DMD: variants seen among roughly 807,000 people sequenced by gnomAD.
DMD encodes the protein mutant dystrophin.
In DMD, 63 loss-of-function variants were observed where a neutral mutation model predicts 330.1. The observed-to-expected ratio is 0.19, with a 90% CI of 0.16 to 0.24. The LOEUF is 0.24. Among genes scored for constraint, DMD ranks in the 10% least tolerant of loss-of-function variants. DMD has a pLI of 1.00. For synonymous variants in DMD, 1,223 were observed against 959.8 expected (o/e 1.27, Z -5.07); for missense variants, 3,344 against 2,684.1 (o/e 1.25, Z -5.43).
intron 47 of DMD, among the ~76,000 whole-genome samples, chrX:31,914,110 G>T (rs2094579432): frequency 8.9e-6 from 1 of 112,125 alleles, no homozygotes; most frequent in Admixed American, 9.5e-5. Flanking sequence ...ATTTAGCTTA[G>T]CTTACATTTG....
intron 2 of DMD, among the ~76,000 whole-genome samples, chrX:32,948,916 A>G (rs930210926): frequency 1.8e-5 from 2 of 111,695 alleles, no homozygotes. Context: ...AATTTTAGAG[A>G]CGATAAAATT....
At chrX:33,285,309 T>TTGTGTGTG (rs35975571) in intron 1 of DMD, among the ~76,000 whole-genome samples, 1 of 106,778 alleles carries the variant, frequency 9.4e-6, no homozygotes, top group Non-Finnish European at 1.9e-5. Flanking sequence ...ACGAATTCAT[T>TTGTGTGTG]TGTGTGTGTG....
chrX:31,381,955 G>C (rs1464050320), intron 60 of DMD, among the ~76,000 whole-genome samples: 1 of 111,536 alleles, frequency 9.0e-6, no homozygotes, highest in Non-Finnish European at 1.9e-5. Flanking sequence ...AACATGCCCC[G>C]AGTCAAGAAA....
chrX:31,658,084 G>C lies in DMD; in HGVS notation c.7933C>G (p.Leu2645Val). 1 of 1,211,774 alleles carries C rather than the reference G, an allele frequency of 8.3e-7. No homozygotes were observed. The highest frequency in any genetic ancestry group is 1.1e-6 in the Non-Finnish European group (1 of 895,337). Reference sequence around the variant, plus strand: ...GCAGAATAATCCCGGAGAAGTTTCAGGGCCAAGTCATTTGCCACATCTACA... The same window carrying C: ...GCAGAATAATCCCGGAGAAGTTTCACGGCCAAGTCATTTGCCACATCTACA... ...TNVDVANDLA[L>V]KLLRDYSADD... Residue 2645 changes from leucine to valine, a missense_variant, in exon 54 of 79, where the codon CTG becomes GTG. Transcript: ENST00000357033.
intron 44 of DMD, among the ~76,000 whole-genome samples, chrX:32,205,023 A>ACACACACC (rs2097060143): frequency 1.2e-5 from 1 of 81,649 alleles, no homozygotes; most frequent in African/African-American, 4.4e-5. Context: ...ACACACACAC[A>ACACACACC]CACACACACA....
chrX:31,934,805 T>C (rs971386035), intron 45 of DMD, among the ~76,000 whole-genome samples: 7 of 112,168 alleles, frequency 6.2e-5, no homozygotes, highest in African/African-American at 2.3e-4. Context: ...TAGCAATCAG[T>C]TGGCAGAGAA....
At chrX:33,262,954 A>C (rs1162555890) in intron 1 of DMD, among the ~76,000 whole-genome samples, 1 of 110,769 alleles carries the variant, frequency 9.0e-6, no homozygotes, top group Non-Finnish European at 1.9e-5. Flanking sequence ...TAAAAGATAC[A>C]TTGATCAAAA....
At chrX:31,858,663 A>G (rs978491177) in intron 48 of DMD, among the ~76,000 whole-genome samples, 14 of 110,808 alleles carry the variant, frequency 1.3e-4, no homozygotes, top group Non-Finnish European at 2.3e-4. Context: ...TGTATTATAT[A>G]CATTATAGTT....
chrX:31,940,072 G>A (rs2094974213), intron 45 of DMD, among the ~76,000 whole-genome samples: 2 of 111,668 alleles, frequency 1.8e-5, no homozygotes, highest in Admixed American at 9.6e-5. Flanking sequence ...CCTTACATCC[G>A]ATTGGGAGGA....
intron 52 of DMD, among the ~76,000 whole-genome samples, chrX:31,702,609 G>C (rs5927812): frequency 0.44 from 48,290 of 110,072 alleles, 8,517 homozygotes; most frequent in African/African-American, 0.64. Context: ...CCTCCTGATG[G>C]TCTCTCTAGT....
intron 1 of DMD, among the ~76,000 whole-genome samples, chrX:33,043,106 T>G (rs17338995): frequency 0.011 from 1,208 of 112,202 alleles, 35 homozygotes; most frequent in Admixed American, 0.069. Flanking sequence ...AATTTGAAGC[T>G]TGTTATTCTT....
chrX:31,907,543 C>T (rs1457738021), intron 47 of DMD, among the ~76,000 whole-genome samples: 1 of 111,840 alleles, frequency 8.9e-6, no homozygotes, highest in Non-Finnish European at 1.9e-5. Flanking sequence ...CCCTTCCTTA[C>T]ACCTTATACA....
chrX:31,145,365 G>A (rs2036553239), intron 76 of DMD, among the ~76,000 whole-genome samples: 1 of 111,378 alleles, frequency 9.0e-6, no homozygotes, highest in African/African-American at 3.3e-5. Flanking sequence ...CCAAATGGAG[G>A]TCTTTTCCAA....
At chrX:32,942,452 AGAATCGCTTCAATCCAGGAGGCAGAG>A (rs1454443839) in intron 2 of DMD, among the ~76,000 whole-genome samples, 1 of 111,291 alleles carries the variant, frequency 9.0e-6, no homozygotes, top group Non-Finnish European at 1.9e-5. Flanking sequence ...CTGAGGCAGA[AGAATCGCTTCAATCCAGGAGGCAGAG>A]GCTGCAGTGA....
At chrX:31,821,695 T>C (rs916261796) in intron 49 of DMD, among the ~76,000 whole-genome samples, 2 of 112,485 alleles carry the variant, frequency 1.8e-5, no homozygotes, top group Non-Finnish European at 3.7e-5. Context: ...ACCAGTATAG[T>C]AGCACTAGTC....
intron 2 of DMD, among the ~76,000 whole-genome samples, chrX:33,017,394 C>T (rs896651918): frequency 1.8e-5 from 2 of 110,937 alleles, no homozygotes; most frequent in African/African-American, 3.3e-5. Context: ...GACATTAATA[C>T]GACTATAAAA....
intron 44 of DMD, among the ~76,000 whole-genome samples, chrX:32,210,381 C>A (rs144198234): frequency 9.0e-6 from 1 of 111,170 alleles, no homozygotes; most frequent in Non-Finnish European, 1.9e-5. Context: ...TTATTCTTAA[C>A]GTTAGGGTCC....
chrX:32,898,752 C>G lies in DMD; in HGVS notation c.94-48932G>C, dbSNP rs369101102. 7.2e-5 allele frequency among the ~76,000 whole-genome samples: 8 copies of G among 111,329 alleles called. No individual in the cohort carries two copies. In the East Asian group the frequency reaches 2.0e-3, roughly 28 times the overall value. Reference sequence around the variant, plus strand: ...TGCTGGGGATCACTTTTGTTGCCATCTGCTGGTTTCTGCTGTTTTTCTCAC... The same window carrying G: ...TGCTGGGGATCACTTTTGTTGCCATGTGCTGGTTTCTGCTGTTTTTCTCAC... On this transcript the variant is annotated intron_variant, in intron 2 of 78. Coordinates refer to ENST00000357033, the MANE Select transcript of DMD (RefSeq NM_004006.3).
chrX:31,822,249 C>T (rs1417479639), intron 49 of DMD, among the ~76,000 whole-genome samples: 3 of 111,706 alleles, frequency 2.7e-5, no homozygotes, highest in Admixed American at 1.9e-4. Flanking sequence ...TTTTGAAAGA[C>T]GACTAGGAAG....
Sources: allele counts gnomAD v4.1 joint callset (sites outside exome capture counted in the v4.1 genomes callset), GRCh38; gene constraint gnomAD v4.1.1; transcripts MANE v1.5; gene names NCBI Gene and HGNC (gene_info 2026-07-23, HGNC 2026-07-21).